TAOK2: variants seen among roughly 807,000 people sequenced by gnomAD.
TAOK2 encodes the protein TAO kinase 2.
Under a neutral mutation model 122.5 loss-of-function variants are expected in TAOK2, and 42 were observed. The ratio of observed to expected loss-of-function variants is 0.34; its 90% confidence interval spans 0.27 to 0.44. The LOEUF (loss-of-function observed/expected upper bound fraction) is 0.44, where lower values mean the gene tolerates loss of function less well. TAOK2 is among the 20% of genes least tolerant of loss of function. The pLI is 1.00. For synonymous variants in TAOK2, 704 were observed against 677.6 expected (o/e 1.04, Z -0.61); for missense variants, 1,264 against 1,644.9 (o/e 0.77, Z 4.01).
rs1175653821 is a variant in TAOK2, at chr16:29,985,993, C to G, written c.1992+132C>G. The G allele has an allele frequency of 8.4e-7, 1 of 1,184,054 alleles. No individual in the cohort carries two copies. The highest frequency in any genetic ancestry group is 1.2e-6 in the Non-Finnish European group (1 of 846,492). 73.3% of individuals were successfully genotyped at this position (1,184,054 alleles called of 1,614,324 possible). On this transcript the variant is annotated intron_variant, in intron 15 of 15. Transcript: ENST00000308893. The surrounding 1 kb of genome is among the most constrained non-coding windows in gnomAD (Gnocchi z 6.9). ...TTACAGTTCAGCTTTGCTTCAGTGC[C>G]CCTTTTACTTCTCATCCCCAACAGA...
Position 29,985,157 on chromosome 16 carries a change from G to A in TAOK2, c.1423-56G>A. On this transcript the variant is annotated intron_variant, in intron 13 of 15. Coordinates refer to ENST00000308893, the MANE Select transcript of TAOK2 (RefSeq NM_016151.4). This position sits in a 1 kb window ranked among gnomAD's most constrained non-coding sequence, Gnocchi z 6.9. ...CTCTTCCCCACGGAAGACCCCTTGT[G>A]TTAATTAACTAGGGGCCAGGCTGAG... 6.8e-7 allele frequency: 1 copy of A among 1,463,708 alleles called. No individual in the cohort carries two copies. Among genetic ancestry groups the A allele is most frequent in the Non-Finnish European group, 9.0e-7 (1 of 1,106,346 alleles). 90.7% of individuals were successfully genotyped at this position (1,463,708 alleles called of 1,614,324 possible).
chr16:29,975,159 T>C (rs368480445), intron 1 of TAOK2, among the ~76,000 whole-genome samples: 2 of 152,250 alleles, frequency 1.3e-5, no homozygotes, highest in East Asian at 3.9e-4. Context: ...CCTGGCAATG[T>C]TTTCCCCCAG....
chr16:29,984,893 T>C (rs2069734273), intron 13 of TAOK2, among the ~76,000 whole-genome samples: 1 of 152,188 alleles, frequency 6.6e-6, no homozygotes, highest in East Asian at 1.9e-4. Context: ...TGAGATCACA[T>C]GCTTGGTAAG....
downstream of TAOK2, chr16:29,988,473 G>A (rs917380705): frequency 3.3e-5 from 40 of 1,222,634 alleles, no homozygotes; most frequent in Non-Finnish European, 3.9e-5. Context: ...GCTGACCCTC[G>A]GCCCGGCTCC....
At position 29,978,326 on chromosome 16, in the gene TAOK2, C is replaced by T; in HGVS notation, c.279C>T (p.Gly93=). 2 of 1,614,152 alleles carry T rather than the reference C, an allele frequency of 1.2e-6. No homozygotes were observed. Among genetic ancestry groups the T allele is most frequent in the Non-Finnish European group, 1.7e-6 (2 of 1,180,024 alleles). ...ATCCCAACACCATTCAGTACCGGGG[C>T]TGTTACCTGAGGGAGCACACGGCTT... ...LRHPNTIQYR[G]CYLREHTAWL... is the part of the protein sequence containing the mutation. Residue 93 remains glycine (G), a synonymous_variant, in exon 4 of 16, where the codon GGC becomes GGT. Transcript: ENST00000308893.
rs1420033332 is a variant in TAOK2, at chr16:29,985,620, G to A, written c.1789-38G>A. The A allele has an allele frequency of 6.2e-7, 1 of 1,605,550 alleles. No individual in the cohort carries two copies. The stretch of plus-strand genomic sequence containing the variant: ...TGGGGGCGGAGCCGATGGCGAGCCA[G>A]GTGGGTCCTGACCCTGCTTCCCTCT... On this transcript the variant is annotated intron_variant, in intron 14 of 15. Coordinates refer to ENST00000308893, the MANE Select transcript of TAOK2 (RefSeq NM_016151.4). This position sits in a 1 kb window ranked among gnomAD's most constrained non-coding sequence, Gnocchi z 6.9.
Position 29,981,460 on chromosome 16 carries a change from C to T in TAOK2, c.656-201C>T, listed in dbSNP as rs770888726. The T allele has an allele frequency of 6.0e-5, 39 of 645,792 alleles. 1 individual carries two copies. The highest frequency in any genetic ancestry group is 4.4e-4 in the South Asian group (25 of 57,054). 40.0% of individuals were successfully genotyped at this position (645,792 alleles called of 1,614,324 possible). A position where few individuals can be genotyped will look rare whatever the true frequency, so the allele number is the denominator to read the frequency against. ...TATTTTCTTTGACCCCTATTCCACCCGTGTGCAGTGGAGAGGATGGGTGTT... is the reference window on the plus strand; with the variant it reads ...TATTTTCTTTGACCCCTATTCCACCTGTGTGCAGTGGAGAGGATGGGTGTT... On this transcript the variant is annotated intron_variant, in intron 8 of 15. Transcript: ENST00000308893.
rs994581796 is a variant in TAOK2 at position 29,981,683 on chromosome 16, T to C, written c.678T>C (p.Phe226=). The change falls in exon 9 of 16, where the codon TTT becomes TTC. Residue 226 remains phenylalanine (F), a synonymous_variant. Transcript: ENST00000308893. Reference sequence around the variant, plus strand: ...TAGCTGAACGGAAACCACCGCTCTTTAACATGAATGCGATGAGTGCCTTAT... The same window carrying C: ...TAGCTGAACGGAAACCACCGCTCTTCAACATGAATGCGATGAGTGCCTTAT... The part of the protein sequence containing the change: ...IELAERKPPL[F]NMNAMSALYH... 12 of 1,614,050 alleles carry C rather than the reference T, an allele frequency of 7.4e-6. No homozygotes were observed. The highest frequency in any genetic ancestry group is 5.0e-5 in the Admixed American group (3 of 60,002).
chr16:29,981,697 T>C lies in TAOK2; in HGVS notation c.692T>C (p.Met231Thr). 1 of 1,614,226 alleles carries C rather than the reference T, an allele frequency of 6.2e-7. No homozygotes were observed. The highest frequency in any genetic ancestry group is 8.5e-7 in the Non-Finnish European group (1 of 1,180,036). Residue 231 changes from methionine (M) to threonine (T), a missense_variant, in exon 9 of 16, where the codon ATG becomes ACG. This residue lies in a region of TAOK2 where 254 missense variants were observed against 503.8 expected (regional missense o/e 0.50). Coordinates refer to ENST00000308893, the MANE Select transcript of TAOK2 (RefSeq NM_016151.4). ...CCACCGCTCTTTAACATGAATGCGATGAGTGCCTTATACCACATTGCACAG... is the reference window on the plus strand; with the variant it reads ...CCACCGCTCTTTAACATGAATGCGACGAGTGCCTTATACCACATTGCACAG... ...RKPPLFNMNA[M>T]SALYHIAQNE...
downstream of TAOK2, chr16:29,990,687 G>A (rs2069944555): frequency 1.6e-6 from 2 of 1,260,384 alleles, no homozygotes; most frequent in South Asian, 1.5e-5. Context: ...TGAGACCGCT[G>A]CTTCTTGAAA....
rs1268185640 is a variant in TAOK2 at position 29,982,722 on chromosome 16, C to T, written c.832-12C>T. 8.1e-6 allele frequency: 13 copies of T among 1,609,518 alleles called. No homozygotes were observed. The South Asian group carries it at 1.2e-4, about 15-fold the overall frequency. ...GGAGTTGGCAGCAGACCTCAGTGCC[C>T]TCTTCCCCCAGCACCGCTTTGTGCT... On this transcript the variant is annotated splice_polypyrimidine_tract_variant and intron_variant, in intron 10 of 15. Transcript: ENST00000308893.
downstream of TAOK2, chr16:29,991,153 G>A (rs200252719): frequency 3.7e-6 from 6 of 1,611,254 alleles, no homozygotes; most frequent in Non-Finnish European, 5.1e-6. This position sits in a 1 kb window ranked among gnomAD's most constrained non-coding sequence, Gnocchi z 5.6. Flanking sequence ...GAAAGCATGA[G>A]GCTGGGCTTC....
chr16:29,977,965 C>G (rs2069506045), intron 2 of TAOK2, 61 bp downstream of exon 2: 3 of 1,612,858 alleles, frequency 1.9e-6, no homozygotes, highest in Non-Finnish European at 1.7e-6. Context: ...CTGTGGACTT[C>G]CCAACAGCCC....
Position 29,985,672 on chromosome 16 carries a change from C to A in TAOK2, c.1803C>A (p.Asn601Lys), listed in dbSNP as rs1596612545. The change falls in exon 15 of 16, where the codon AAC becomes AAA. Residue 601 changes from asparagine (N) to lysine (K), a missense_variant. Physicochemically the swap from Asn to Lys is moderately conservative, Grantham distance 94. This residue lies in a region of TAOK2 where 824 missense variants were observed against 908.7 expected (regional missense o/e 0.91). Coordinates refer to ENST00000308893, the MANE Select transcript of TAOK2 (RefSeq NM_016151.4). This position sits in a 1 kb window ranked among gnomAD's most constrained non-coding sequence, Gnocchi z 6.9. ...CACTCGCCCAGGAGCTCCAGGAGAA[C>A]CCCAGCACTCCCAAGCGGGAGAAGG... is the stretch of plus-strand genomic sequence containing the variant. Reference protein sequence around the residue: ...KEQLKEELQENPSTPKREKAE... With the variant: ...KEQLKEELQEKPSTPKREKAE... 5.6e-6 allele frequency: 9 copies of A among 1,609,178 alleles called. No individual in the cohort carries two copies. The highest frequency in any genetic ancestry group is 7.6e-6 in the Non-Finnish European group (9 of 1,178,024).
chr16:29,985,735 G>T lies in TAOK2; in HGVS notation c.1866G>T (p.Gln622His). ...TGCGGCAGAAGGAGCAGCTCCAGCA[G>T]TGCCAGGCGGAGGAGGAAGCAGGGC... is the stretch of plus-strand genomic sequence containing the variant. The part of the protein sequence containing the change: ...WLLRQKEQLQ[Q>H]CQAEEEAGLL... Residue 622 changes from glutamine (Q) to histidine (H), a missense_variant, in exon 15 of 16, where the codon CAG (glutamine) becomes CAT (histidine). Gln to His is a conservative substitution (Grantham distance 24). Around this residue, in one of 4 missense-constraint regions of TAOK2, gnomAD observed 824 missense variants for 908.7 expected, o/e 0.91. Transcript: ENST00000308893. The surrounding 1 kb of genome is among the most constrained non-coding windows in gnomAD (Gnocchi z 6.9). 1 of 1,610,190 alleles carries T rather than the reference G, an allele frequency of 6.2e-7. No homozygotes were observed. Among genetic ancestry groups the T allele is most frequent in the Non-Finnish European group, 8.5e-7 (1 of 1,178,946 alleles).
In TAOK2 at chr16:29,978,106, T is replaced by C. The variant is rs2069511142; in HGVS notation, c.150T>C (p.Asn50=). 3 of 1,613,962 alleles carry C rather than the reference T, an allele frequency of 1.9e-6. No homozygotes were observed. Among genetic ancestry groups the C allele is most frequent in the Non-Finnish European group, 2.5e-6 (3 of 1,179,978 alleles). ...TCCTCTAGGCCCGGGATGTCCGGAA[T>C]AGTGAGGTGGTGGCCATCAAGAAGA... ...GAVYFARDVR[N]SEVVAIKKMS... is the part of the protein sequence containing the mutation. Residue 50 remains asparagine, a synonymous_variant, in exon 3 of 16, where the codon AAT becomes AAC. Coordinates refer to ENST00000308893, the MANE Select transcript of TAOK2 (RefSeq NM_016151.4).
chr16:29,981,844 T>G lies in TAOK2; in HGVS notation c.750-15T>G. On this transcript the variant is annotated splice_polypyrimidine_tract_variant and intron_variant, in intron 9 of 15. Transcript: ENST00000308893. ...TGCCTTCCCCACCCCTCTCCCACCCTCCTGTGACTTTCAGGTCTGAGTACT... is the reference window on the plus strand; with the variant it reads ...TGCCTTCCCCACCCCTCTCCCACCCGCCTGTGACTTTCAGGTCTGAGTACT... The G allele has an allele frequency of 3.1e-6, 3 of 969,378 alleles. No homozygotes were observed. The highest frequency in any genetic ancestry group is 4.7e-6 in the Non-Finnish European group (3 of 642,098). The allele number at this position is 969,378 out of a possible 1,614,324, so 60.0% of individuals were successfully genotyped here. A position where few individuals can be genotyped will look rare whatever the true frequency, so the allele number is the denominator to read the frequency against.
rs765388827 is a variant in TAOK2 at position 29,987,791 on chromosome 16, C to G, written c.3519C>G (p.Pro1173=). ...RASQGLASHL[P]PWAIHTLASW... ...GCCAGGGTTTAGCATCCCACTTGCC[C>G]CCGTGGGCCATCCACACACTGGCCA... The change falls in exon 16 of 16, where the codon CCC becomes CCG. Residue 1173 remains proline, a synonymous_variant. Coordinates refer to ENST00000308893, the MANE Select transcript of TAOK2 (RefSeq NM_016151.4). The G allele has an allele frequency of 1.2e-6, 2 of 1,613,862 alleles. No homozygotes were observed. The highest frequency in any genetic ancestry group is 3.3e-5 in the Admixed American group (2 of 60,016).
Position 29,978,324 on chromosome 16 carries a change from G to A in TAOK2, c.277G>A (p.Gly93Ser). 6.2e-7 allele frequency: 1 copy of A among 1,614,134 alleles called. No individual in the cohort carries two copies. Among genetic ancestry groups the A allele is most frequent in the Non-Finnish European group, 8.5e-7 (1 of 1,180,022 alleles). Reference protein sequence around the residue: ...LRHPNTIQYRGCYLREHTAWL... With the variant: ...LRHPNTIQYRSCYLREHTAWL... ...GCATCCCAACACCATTCAGTACCGG[G>A]GCTGTTACCTGAGGGAGCACACGGC... is the stretch of plus-strand genomic sequence containing the variant. Residue 93 changes from glycine to serine, a missense_variant, in exon 4 of 16, where the codon GGC becomes AGC. Physicochemically the swap from Gly to Ser is moderately conservative, Grantham distance 56. Transcript: ENST00000308893.
Sources: gnomAD v4.1 joint callset for allele counts (sites outside exome capture counted in the v4.1 genomes callset) on GRCh38, gnomAD v4.1.1 for gene constraint, gnomAD v4.1.1 regional missense constraint, Gnocchi (gnomAD v3.1) non-coding constraint, MANE v1.5 for transcripts, NCBI Gene and HGNC (gene_info 2026-07-23, HGNC 2026-07-21) for gene names.